The following TSNARE1 variants were observed in gnomAD, a reference collection of about 807,000 sequenced individuals.
TSNARE1 encodes the protein t-SNARE domain-containing protein 1.
TSNARE1 carries 49 observed loss-of-function variants against 62.0 expected under a neutral mutation model. That is an observed-to-expected ratio of 0.79 (90% CI 0.63 to 1.00). The LOEUF is 1.00. Among genes scored for constraint, TSNARE1 ranks in the 50% least tolerant of loss-of-function variants. TSNARE1 has a pLI of 0.00. For missense variants in TSNARE1, 755 were observed against 700.1 expected, an observed-to-expected ratio of 1.08 and a Z score of -0.88; for synonymous variants, 328 against 294.4, an observed-to-expected ratio of 1.11 and a Z score of -1.17.
rs184589644 is a variant in TSNARE1, at chr8:142,319,540, C to T, written c.894-906G>A. On this transcript the variant is annotated intron_variant, in intron 6 of 13. Transcript: ENST00000524325. This position sits in a 1 kb window ranked among gnomAD's most constrained non-coding sequence, Gnocchi z 4.9. ...GTACCCCAGCCCGGCTGCAGGCACA[C>T]ACACCAAGTGCAGGGAGGACCCTGG... is the stretch of plus-strand genomic sequence containing the variant. 6.6e-6 allele frequency among the ~76,000 whole-genome samples: 1 copy of T among 152,248 alleles called. No individual in the cohort carries two copies. The highest frequency in any genetic ancestry group is 2.4e-5 in the African/African-American group (1 of 41,560).
intron 4 of TSNARE1, among the ~76,000 whole-genome samples, chr8:142,343,352 T>C (rs966271441): frequency 6.6e-6 from 1 of 151,860 alleles, no homozygotes; most frequent in Non-Finnish European, 1.5e-5. Flanking sequence ...AGCTTTTTCT[T>C]TCATGAGTAG....
chr8:142,373,054 C>T (rs1836024594), intron 1 of TSNARE1, among the ~76,000 whole-genome samples: 1 of 152,192 alleles, frequency 6.6e-6, no homozygotes, highest in Admixed American at 6.5e-5. Context: ...AGGCCTCCCC[C>T]GTCACCTGTC....
intron 9 of TSNARE1, among the ~76,000 whole-genome samples, chr8:142,306,663 C>G (rs1026745506): frequency 2.0e-5 from 3 of 152,324 alleles, no homozygotes; most frequent in African/African-American, 7.2e-5. Context: ...GCCCCCCAGT[C>G]CCCCCACATC....
intron 11 of TSNARE1, chr8:142,277,048 G>A (rs1820612313): frequency 1.0e-6 from 1 of 985,380 alleles, no homozygotes. Context: ...TTGGTGCGTG[G>A]GACCTGTGGT....
At chr8:142,334,509 G>A (rs1364998056) in intron 4 of TSNARE1, among the ~76,000 whole-genome samples, 3 of 151,710 alleles carry the variant, frequency 2.0e-5, no homozygotes, top group Non-Finnish European at 2.9e-5. Flanking sequence ...GGGGGGACGG[G>A]ACACAAAACA....
chr8:142,371,212 C>G (rs899707445), intron 1 of TSNARE1, among the ~76,000 whole-genome samples: 1 of 152,202 alleles, frequency 6.6e-6, no homozygotes, highest in African/African-American at 2.4e-5. Flanking sequence ...TAGTTAAAAA[C>G]CTTCCATTAA....
At chr8:142,313,558 C>T (rs534056950) in intron 9 of TSNARE1, among the ~76,000 whole-genome samples, 64 of 151,820 alleles carry the variant, frequency 4.2e-4, no homozygotes, top group African/African-American at 1.5e-3. Context: ...TGTTTACCTG[C>T]ATGTGTCTGC....
chr8:142,257,878 T>C (rs13250766), intron 12 of TSNARE1, among the ~76,000 whole-genome samples: 70,845 of 151,866 alleles, frequency 0.47, 17,121 homozygotes, highest in African/African-American at 0.57. Flanking sequence ...CACTCTCACC[T>C]TGGTGCTCCC....
intron 13 of TSNARE1, among the ~76,000 whole-genome samples, chr8:142,214,494 G>A (rs1815736693): frequency 6.6e-6 from 1 of 152,112 alleles, no homozygotes; most frequent in African/African-American, 2.4e-5. Context: ...CTCACTTCCT[G>A]CCCAGAACTC....
At chr8:142,280,388 T>C in intron 11 of TSNARE1, 1 of 896,202 alleles carries the variant, frequency 1.1e-6, no homozygotes, top group South Asian at 5.1e-5. Flanking sequence ...AGGTTCGGGG[T>C]CACAGGTCAT....
chr8:142,381,951 T>C (rs1390519335), intron 1 of TSNARE1, among the ~76,000 whole-genome samples: 1 of 151,948 alleles, frequency 6.6e-6, no homozygotes, highest in Non-Finnish European at 1.5e-5. Flanking sequence ...CGCTGCCCAG[T>C]CCTCCCCTCG....
At chr8:142,392,766 C>A (rs1238104385) in intron 1 of TSNARE1, among the ~76,000 whole-genome samples, 3 of 152,070 alleles carry the variant, frequency 2.0e-5, no homozygotes, top group Admixed American at 6.5e-5. Context: ...CATGGCGAAA[C>A]CCCGTCTCTA....
At chr8:142,315,205 G>T in intron 7 of TSNARE1, 113 bp from the exon 8 acceptor site, 2 of 1,064,470 alleles carry the variant, frequency 1.9e-6, no homozygotes, top group Non-Finnish European at 1.4e-6. Flanking sequence ...CTCAGAATGG[G>T]GCTCGCCATC....
chr8:142,367,808 TTA>T (rs2130979951), intron 1 of TSNARE1, among the ~76,000 whole-genome samples: 1 of 152,222 alleles, frequency 6.6e-6, no homozygotes, highest in East Asian at 1.9e-4. Context: ...ACATGGAAAT[TTA>T]GTCTATGATA....
chr8:142,393,662 G>A (rs539491664), intron 1 of TSNARE1, among the ~76,000 whole-genome samples: 8 of 152,288 alleles, frequency 5.3e-5, no homozygotes, highest in African/African-American at 7.2e-5. Context: ...CACCTGCCCC[G>A]TCCACTCCAC....
At chr8:142,215,303 C>T (rs1815779191) in intron 13 of TSNARE1, among the ~76,000 whole-genome samples, 1 of 152,148 alleles carries the variant, frequency 6.6e-6, no homozygotes, top group Non-Finnish European at 1.5e-5. Context: ...GTGGGGGCGC[C>T]CCAAGGATGG....
At chr8:142,353,268 C>G (rs1834337608) in intron 2 of TSNARE1, among the ~76,000 whole-genome samples, 2 of 152,152 alleles carry the variant, frequency 1.3e-5, no homozygotes, top group African/African-American at 4.8e-5. Flanking sequence ...CAGAACCATC[C>G]CAGTCAGAAC....
At chr8:142,301,836 C>T (rs1825833886) in intron 9 of TSNARE1, among the ~76,000 whole-genome samples, 1 of 152,230 alleles carries the variant, frequency 6.6e-6, no homozygotes, top group Non-Finnish European at 1.5e-5. Context: ...CCACAACAGC[C>T]GAGGACACTG....
intron 6 of TSNARE1, among the ~76,000 whole-genome samples, chr8:142,325,182 G>A (rs1481640602): frequency 1.3e-5 from 2 of 152,238 alleles, no homozygotes; most frequent in Admixed American, 6.5e-5. Context: ...GGCCGGCAGA[G>A]GGCAGCGCGG....
Sources: gnomAD v4.1 joint callset for allele counts (sites outside exome capture counted in the v4.1 genomes callset) on GRCh38, gnomAD v4.1.1 for gene constraint, Gnocchi (gnomAD v3.1) non-coding constraint, MANE v1.5 for transcripts, NCBI Gene and HGNC (gene_info 2026-07-23, HGNC 2026-07-21) for gene names.